Variants in ZNF430 observed in about 807,000 individuals in gnomAD.
The protein encoded by ZNF430 is zinc finger protein 430.
ZNF430 carries 35 observed loss-of-function variants against 56.7 expected under a neutral mutation model. The observed-to-expected ratio is 0.62, with a 90% confidence interval of 0.47 to 0.82. ZNF430 has a LOEUF of 0.82. Among genes scored for constraint, ZNF430 ranks in the 40% least tolerant of loss-of-function variants. The pLI is 0.00. For synonymous variants in ZNF430, 212 were observed against 224.3 expected (o/e 0.94, Z 0.49); for missense variants, 574 against 661.0 (o/e 0.87, Z 1.44).
Position 21,057,199 on chromosome 19 carries a change from C to CTTT in ZNF430, c.892_894dup (p.Phe298dup). 1 of 1,599,756 alleles carries CTTT rather than the reference C, an allele frequency of 6.3e-7. No individual in the cohort carries two copies. Among genetic ancestry groups the CTTT allele is most frequent in the Non-Finnish European group, 8.5e-7 (1 of 1,175,220 alleles). ...ACAGATGTGAAGAATGTGGCAAAAC[C>CTTT]TTTAACCGGTCCTCACACCTTACTA... On this transcript the variant is annotated inframe_insertion, in exon 5 of 5. Transcript: ENST00000261560.
chr19:21,034,005 C>T (rs1047541590), intron 3 of ZNF430, 81 bp from the exon 4 acceptor site: 6 of 1,002,648 alleles, frequency 6.0e-6, no homozygotes, highest in South Asian at 1.7e-5. Context: ...AATATTCTAC[C>T]ACATCCTCTT....
intron 2 of ZNF430, among the ~76,000 whole-genome samples, chr19:21,026,827 C>CTTTTTTTTTTTTTTTT (rs747809260): frequency 0.018 from 1,223 of 68,706 alleles, 133 homozygotes; most frequent in Non-Finnish European, 0.022. Context: ...CTTTTCTTTT[C>CTTTTTTTTTTTTTTTT]TTTTTTTTTT....
chr19:21,055,433 A>AT (rs1568593322), intron 4 of ZNF430, among the ~76,000 whole-genome samples: 179 of 147,564 alleles, frequency 1.2e-3, no homozygotes, highest in African/African-American at 4.3e-3. Flanking sequence ...TTCTTTTTTT[A>AT]GTTTTTTTTT....
At chr19:21,056,531 T>G in intron 4 of ZNF430, 100 bp from the exon 5 acceptor site, 3 of 848,534 alleles carry the variant, frequency 3.5e-6, no homozygotes, top group Non-Finnish European at 5.0e-6. Context: ...TGCTATGCCA[T>G]CTTGTTTATG....
chr19:21,030,185 A>G (rs989752524), intron 2 of ZNF430, among the ~76,000 whole-genome samples: 1 of 152,246 alleles, frequency 6.6e-6, no homozygotes, highest in East Asian at 1.9e-4. Flanking sequence ...ACAAGCCACA[A>G]ACAAGTAAAT....
At chr19:21,027,321 C>T (rs1178838271) in intron 2 of ZNF430, among the ~76,000 whole-genome samples, 1 of 152,080 alleles carries the variant, frequency 6.6e-6, no homozygotes, top group Non-Finnish European at 1.5e-5. Context: ...TATATACCTT[C>T]AATGCCTAGT....
rs143882422 is a variant in ZNF430 at position 21,054,820 on chromosome 19, G to A, written c.323-1811G>A. 3.8e-3 allele frequency among the ~76,000 whole-genome samples: 572 copies of A among 151,712 alleles called. 3 individuals are homozygous for A. Among genetic ancestry groups the A allele is most frequent in the African/African-American group, 0.013 (549 of 41,430 alleles). ...CTCCTGCGTAGCTGGGACTACAGGC[G>A]CCCGCCACCACGCCCGGCTGATTTT... is the stretch of plus-strand genomic sequence containing the variant. On this transcript the variant is annotated intron_variant, in intron 4 of 4. Transcript: ENST00000261560.
chr19:21,042,685 G>A (rs1186650482), intron 4 of ZNF430, among the ~76,000 whole-genome samples: 10 of 152,026 alleles, frequency 6.6e-5, no homozygotes, highest in Non-Finnish European at 1.5e-4. Context: ...CTACTTGGGA[G>A]GCTGAGGTAG....
At chr19:21,022,357 C>G (rs146613698) in intron 1 of ZNF430, among the ~76,000 whole-genome samples, 177 of 152,280 alleles carry the variant, frequency 1.2e-3, no homozygotes, top group African/African-American at 4.1e-3. Context: ...TCTGGCGTTC[C>G]CAAATGCCAA....
Position 21,039,358 on chromosome 19 carries a change from G to C in ZNF430, c.322+5174G>C, listed in dbSNP as rs141819571. Among the ~76,000 whole-genome samples, 1,047 of 147,832 alleles carry C rather than the reference G, an allele frequency of 7.1e-3. 13 individuals carry two copies. Among genetic ancestry groups the C allele is most frequent in the African/African-American group, 0.024 (955 of 40,610 alleles). The stretch of plus-strand genomic sequence containing the variant: ...AATTTTCTTGCCTTGGCCTCTGAAA[G>C]TGCTAGTATTATAGCCGTGAGCCAC... On this transcript the variant is annotated intron_variant, in intron 4 of 4. Coordinates refer to ENST00000261560, the MANE Select transcript of ZNF430 (RefSeq NM_025189.4).
chr19:21,043,476 A>T (rs1489299482), intron 4 of ZNF430, among the ~76,000 whole-genome samples: 1 of 151,056 alleles, frequency 6.6e-6, no homozygotes, highest in Admixed American at 6.7e-5. Context: ...TCATTGGTCT[A>T]TGTGTATGTT....
Position 21,056,889 on chromosome 19 carries a change from T to C in ZNF430, c.581T>C (p.Ile194Thr). 4 of 1,609,868 alleles carry C rather than the reference T, an allele frequency of 2.5e-6. No homozygotes were observed. Among genetic ancestry groups the C allele is most frequent in the Non-Finnish European group, 3.4e-6 (4 of 1,178,408 alleles). Reference protein sequence around the residue: ...NVFYKFSNPNIQKIRHTGKKP... With the variant: ...NVFYKFSNPNTQKIRHTGKKP... ...TTTTATAAATTTTCAAATCCAAATA[T>C]ACAAAAGATAAGACATACTGGAAAG... Residue 194 changes from isoleucine to threonine, a missense_variant, in exon 5 of 5, where the codon ATA (isoleucine) becomes ACA (threonine). Ile to Thr is a moderately conservative substitution (Grantham distance 89). This residue lies in a region of ZNF430 where 346 missense variants were observed against 399.1 expected (regional missense o/e 0.87). Coordinates refer to ENST00000261560, the MANE Select transcript of ZNF430 (RefSeq NM_025189.4).
rs1968384183 is a variant in ZNF430 at position 21,056,671 on chromosome 19, G to C, written c.363G>C (p.Gln121His). ...SHFAQDLWPE[Q>H]GIKDSFQEVI... ...TTGCCCAAGACCTTTGGCCAGAGCA[G>C]GGCATAAAAGATTCTTTCCAAGAAG... The change falls in exon 5 of 5, where the codon CAG becomes CAC. Residue 121 changes from glutamine to histidine, a missense_variant. Gln to His is a conservative substitution (Grantham distance 24). This residue lies in a region of ZNF430 where 346 missense variants were observed against 399.1 expected (regional missense o/e 0.87). Transcript: ENST00000261560. 1 of 1,581,876 alleles carries C rather than the reference G, an allele frequency of 6.3e-7. No homozygotes were observed. The highest frequency in any genetic ancestry group is 2.2e-5 in the East Asian group (1 of 44,534).
chr19:21,028,301 A>C (rs973668478), intron 2 of ZNF430, among the ~76,000 whole-genome samples: 1 of 152,234 alleles, frequency 6.6e-6, no homozygotes, highest in African/African-American at 2.4e-5. Flanking sequence ...CTGATGACAG[A>C]ATCAGCATTT....
intron 4 of ZNF430, among the ~76,000 whole-genome samples, chr19:21,040,812 T>G (rs1225622221): frequency 6.6e-6 from 1 of 152,112 alleles, no homozygotes; most frequent in East Asian, 1.9e-4. Flanking sequence ...TTATATATAT[T>G]GGAGTCCTGA....
chr19:21,040,800 C>A (rs1297748603), intron 4 of ZNF430, among the ~76,000 whole-genome samples: 1 of 151,878 alleles, frequency 6.6e-6, no homozygotes, highest in South Asian at 2.1e-4. Context: ...CCAAAATATG[C>A]TTTATATATA....
intron 4 of ZNF430, among the ~76,000 whole-genome samples, chr19:21,040,949 A>G (rs545195008): frequency 6.6e-6 from 1 of 152,304 alleles, no homozygotes; most frequent in South Asian, 2.1e-4. Flanking sequence ...AGCATATTAT[A>G]TTCAATATAA....
rs925202883 is a variant in ZNF430, at chr19:21,020,676, G to C, written c.-125G>C. 18 of 1,412,988 alleles carry C rather than the reference G, an allele frequency of 1.3e-5. No homozygotes were observed. In the African/African-American group the frequency reaches 1.4e-4, roughly 11 times the overall value. The allele number at this position is 1,412,988 out of a possible 1,614,324, so 87.5% of individuals were successfully genotyped here. A position where few individuals can be genotyped will look rare whatever the true frequency, so the allele number is the denominator to read the frequency against. Reference sequence around the variant, plus strand: ...GCCTTTGTCCCTCGCTGTGGCCTGAGCTCCAGGTCTCGTCTTCAGCGCTCT... The same window carrying C: ...GCCTTTGTCCCTCGCTGTGGCCTGACCTCCAGGTCTCGTCTTCAGCGCTCT... On this transcript the variant is annotated 5_prime_UTR_variant, in exon 1 of 5. Coordinates refer to ENST00000261560, the MANE Select transcript of ZNF430 (RefSeq NM_025189.4).
At chr19:21,047,125 A>C (rs1289198101) in intron 4 of ZNF430, among the ~76,000 whole-genome samples, 1 of 152,114 alleles carries the variant, frequency 6.6e-6, no homozygotes, top group Non-Finnish European at 1.5e-5. Flanking sequence ...TCGTCTACTC[A>C]GTTATTGATA....
Sources: allele counts gnomAD v4.1 joint callset (sites outside exome capture counted in the v4.1 genomes callset), GRCh38; gene constraint gnomAD v4.1.1; regional missense constraint gnomAD v4.1.1; transcripts MANE v1.5; gene names NCBI Gene and HGNC (gene_info 2026-07-23, HGNC 2026-07-21).